COMMD1: variants seen among roughly 807,000 people sequenced by gnomAD.
COMMD1 encodes the protein copper metabolism domain containing 1, also known as COMM domain-containing protein 1.
Under a neutral mutation model 17.2 loss-of-function variants are expected in COMMD1, and 10 were observed. The observed-to-expected ratio is 0.58, with a 90% CI of 0.36 to 0.99. The LOEUF (loss-of-function observed/expected upper bound fraction) is 0.99, where lower values mean the gene tolerates loss of function less well. Among genes scored for constraint, COMMD1 ranks in the 50% least tolerant of loss-of-function variants. COMMD1 has a pLI of 0.01. For missense variants in COMMD1, 270 were observed against 231.8 expected, an observed-to-expected ratio of 1.17 and a Z score of -1.07; for synonymous variants, 97 against 91.6, an observed-to-expected ratio of 1.06 and a Z score of -0.34.
intron 1 of COMMD1, among the ~76,000 whole-genome samples, chr2:61,981,232 C>T (rs1478242117): frequency 6.6e-6 from 1 of 152,290 alleles, no homozygotes; most frequent in East Asian, 1.9e-4. Context: ...TTGCCCAGTC[C>T]AATGGCCTGA....
chr2:61,921,157 A>T (rs1670182826), intron 1 of COMMD1, among the ~76,000 whole-genome samples: 1 of 151,566 alleles, frequency 6.6e-6, no homozygotes, highest in African/African-American at 2.4e-5. Context: ...TTTAGTAGAG[A>T]CAAGGTTTTA....
chr2:61,972,085 A>T (rs1385704767), intron 1 of COMMD1, among the ~76,000 whole-genome samples: 2 of 152,154 alleles, frequency 1.3e-5, no homozygotes, highest in Non-Finnish European at 2.9e-5. Context: ...GTGCCACTGC[A>T]CGCCAGCCTG....
At chr2:62,130,452 G>C (rs1673000516) in intron 2 of COMMD1, among the ~76,000 whole-genome samples, 1 of 151,632 alleles carries the variant, frequency 6.6e-6, no homozygotes, top group Non-Finnish European at 1.5e-5. Context: ...AATCAGTATT[G>C]GTTAGTGAAA....
intron 2 of COMMD1, among the ~76,000 whole-genome samples, chr2:62,057,126 G>C (rs999174326): frequency 3.3e-5 from 5 of 151,868 alleles, no homozygotes; most frequent in Non-Finnish European, 5.9e-5. Flanking sequence ...ACAAGTTCAG[G>C]GCTCCCACTG....
chr2:61,917,018 A>G (rs116480340), intron 1 of COMMD1, among the ~76,000 whole-genome samples: 2,922 of 152,258 alleles, frequency 0.019, 41 homozygotes, highest in Non-Finnish European at 0.029. Context: ...AATACCTGGG[A>G]AATTTTTATG....
At chr2:61,965,873 G>C (rs13426098) in intron 1 of COMMD1, among the ~76,000 whole-genome samples, 16,394 of 152,110 alleles carry the variant, frequency 0.11, 2,052 homozygotes, top group African/African-American at 0.3. Flanking sequence ...GTACACAAAA[G>C]TATTACTGAT....
At chr2:61,978,958 A>G (rs1048369376) in intron 1 of COMMD1, among the ~76,000 whole-genome samples, 6 of 152,220 alleles carry the variant, frequency 3.9e-5, no homozygotes, top group African/African-American at 1.2e-4. Flanking sequence ...CCTTTGTGTT[A>G]GAAACAATCA....
At chr2:62,032,881 C>A (rs962920665) in intron 2 of COMMD1, among the ~76,000 whole-genome samples, 6 of 152,308 alleles carry the variant, frequency 3.9e-5, no homozygotes, top group Non-Finnish European at 7.3e-5. Context: ...AGCGATTCTC[C>A]TGCCTCAGCC....
intron 1 of COMMD1, among the ~76,000 whole-genome samples, chr2:61,953,790 A>G (rs934000245): frequency 6.6e-6 from 1 of 152,204 alleles, no homozygotes; most frequent in South Asian, 2.1e-4. Flanking sequence ...CAATAATTCT[A>G]ATAGATGTGT....
Position 61,970,744 on chromosome 2 carries a change from G to A in COMMD1, c.181-29957G>A, listed in dbSNP as rs562214122. Among the ~76,000 whole-genome samples, 134 of 151,950 alleles carry A rather than the reference G, an allele frequency of 8.8e-4. No individual in the cohort carries two copies. In the Middle Eastern group the frequency reaches 0.017, roughly 19 times the overall value. ...ATTTTTTTTCTTTCTTGGAAAAATTGGATTACTTAAACTCCAGGTTGTCTT... is the reference window on the plus strand; with the variant it reads ...ATTTTTTTTCTTTCTTGGAAAAATTAGATTACTTAAACTCCAGGTTGTCTT... On this transcript the variant is annotated intron_variant, in intron 1 of 2. Transcript: ENST00000311832.
intron 1 of COMMD1, among the ~76,000 whole-genome samples, chr2:61,921,577 G>C (rs1558522271): frequency 6.6e-6 from 1 of 152,254 alleles, no homozygotes; most frequent in East Asian, 1.9e-4. Context: ...CCGAGTAGCT[G>C]GGACTATAGG....
At chr2:61,911,005 C>A (rs920287452) in intron 1 of COMMD1, among the ~76,000 whole-genome samples, 1 of 151,806 alleles carries the variant, frequency 6.6e-6, no homozygotes, top group Admixed American at 6.6e-5. Flanking sequence ...ATCACTTGAA[C>A]CCGGGAGGCG....
intron 2 of COMMD1, among the ~76,000 whole-genome samples, chr2:62,019,414 A>T (rs1473164804): frequency 6.6e-6 from 1 of 151,952 alleles, no homozygotes; most frequent in Non-Finnish European, 1.5e-5. Flanking sequence ...ACCTCAAGAG[A>T]TTCACCTGCC....
At chr2:62,029,207 A>G (rs1186045263) in intron 2 of COMMD1, among the ~76,000 whole-genome samples, 1 of 152,150 alleles carries the variant, frequency 6.6e-6, no homozygotes, top group African/African-American at 2.4e-5. Context: ...AGATATCCAA[A>G]TCTAATTGTT....
chr2:61,930,176 T>C (rs1184788198), intron 1 of COMMD1, among the ~76,000 whole-genome samples: 1 of 152,192 alleles, frequency 6.6e-6, no homozygotes, highest in African/African-American at 2.4e-5. Flanking sequence ...GCAGAACTTG[T>C]AAAGTGATCA....
chr2:61,945,236 C>T (rs1276342851), intron 1 of COMMD1, among the ~76,000 whole-genome samples: 1 of 152,204 alleles, frequency 6.6e-6, no homozygotes, highest in Non-Finnish European at 1.5e-5. Flanking sequence ...TACTATGCTA[C>T]AAGCAGGAAA....
chr2:61,908,761 GT>G (rs2105174663), intron 1 of COMMD1, among the ~76,000 whole-genome samples: 1 of 151,028 alleles, frequency 6.6e-6, no homozygotes, highest in Non-Finnish European at 1.5e-5. Context: ...TAGAGACGGG[GT>G]TTCACCATCT....
At chr2:62,085,291 C>T (rs748303408) in intron 2 of COMMD1, among the ~76,000 whole-genome samples, 2 of 151,326 alleles carry the variant, frequency 1.3e-5, no homozygotes, top group Non-Finnish European at 2.9e-5. Flanking sequence ...GATCTCTGCT[C>T]ACTGTAAGCT....
chr2:62,103,339 C>T (rs1672238008), intron 2 of COMMD1, among the ~76,000 whole-genome samples: 1 of 152,200 alleles, frequency 6.6e-6, no homozygotes, highest in Non-Finnish European at 1.5e-5. Context: ...TGGAAAATTT[C>T]CCCTGTATCT....
Sources: allele counts gnomAD v4.1 joint callset (sites outside exome capture counted in the v4.1 genomes callset), GRCh38; gene constraint gnomAD v4.1.1; transcripts MANE v1.5; gene names NCBI Gene and HGNC (gene_info 2026-07-23, HGNC 2026-07-21).